SMIM23: variants seen among roughly 807,000 people sequenced by gnomAD.
The protein encoded by SMIM23 is small integral membrane protein 23, also known as CTB-78H18.1.
In SMIM23, 10 loss-of-function variants were observed where a neutral mutation model predicts 12.8. The ratio of observed to expected loss-of-function variants is 0.78; its 90% CI spans 0.48 to 1.32. SMIM23 has a LOEUF of 1.32. Among genes scored for constraint, SMIM23 ranks in the 40% most tolerant of loss-of-function variants. The pLI is 0.00. For missense variants in SMIM23, 184 were observed against 198.2 expected, an observed-to-expected ratio of 0.93 and a Z score of 0.43; for synonymous variants, 78 against 80.1, an observed-to-expected ratio of 0.97 and a Z score of 0.14.
At position 171,785,938 on chromosome 5, in the gene SMIM23, G is replaced by C. The variant is rs1489287556; in HGVS notation, c.67G>C (p.Glu23Gln). Residue 23 changes from glutamate (E) to glutamine (Q), a missense_variant, in exon 1 of 4, where the codon GAA becomes CAA. Coordinates refer to ENST00000523047, the MANE Select transcript of SMIM23 (RefSeq NM_001289970.2). The part of the protein sequence containing the change: ...AAEQVAAQLL[E>Q]RRRGSHCDDE... ...AGAGCAGGTGGCAGCCCAGCTGCTT[G>C]AACGGAGAAGGGGCAGCCACTGTGA... is the stretch of plus-strand genomic sequence containing the variant. 3 of 1,536,226 alleles carry C rather than the reference G, an allele frequency of 2.0e-6. No homozygotes were observed. The highest frequency in any genetic ancestry group is 2.6e-6 in the Non-Finnish European group (3 of 1,146,928).
chr5:171,774,336 C>T, the SMIM23 span: 12 of 449,124 alleles, frequency 2.7e-5, no homozygotes, highest in Non-Finnish European at 5.4e-5. Flanking sequence ...TGTTCCTGTT[C>T]TACAGATGAG....
Position 171,785,851 on chromosome 5 carries a change from C to G in SMIM23, c.-21C>G. 6.5e-7 allele frequency: 1 copy of G among 1,531,744 alleles called. No homozygotes were observed. The highest frequency in any genetic ancestry group is 8.7e-7 in the Non-Finnish European group (1 of 1,142,888). The allele number at this position is 1,531,744 out of a possible 1,614,324, so 94.9% of individuals were successfully genotyped here. On this transcript the variant is annotated 5_prime_UTR_variant, in exon 1 of 4. Coordinates refer to ENST00000523047, the MANE Select transcript of SMIM23 (RefSeq NM_001289970.2). Reference sequence around the variant, plus strand: ...TTCTGTCTGTTGAGTGTGGTCCACCCAGGCAGCCAGATCTGAGGCCATGGC... The same window carrying G: ...TTCTGTCTGTTGAGTGTGGTCCACCGAGGCAGCCAGATCTGAGGCCATGGC...
intron 1 of SMIM23, among the ~76,000 whole-genome samples, chr5:171,786,664 A>T (rs372619083): frequency 2.0e-5 from 3 of 152,154 alleles, no homozygotes; most frequent in Non-Finnish European, 4.4e-5. Flanking sequence ...CTCTGTTTTC[A>T]AAAGACTTGT....
chr5:171,776,776 A>G, the SMIM23 span, among the ~76,000 whole-genome samples: 8 of 152,174 alleles, frequency 5.3e-5, no homozygotes, highest in African/African-American at 1.9e-4. Flanking sequence ...GGAATTCAAC[A>G]ACCCCACTGG....
upstream of SMIM23, among the ~76,000 whole-genome samples, chr5:171,781,383 A>T (rs1285537547): frequency 6.6e-6 from 1 of 152,164 alleles, no homozygotes; most frequent in Non-Finnish European, 1.5e-5. Context: ...GCATAATAAG[A>T]TTAGGGTGGG....
At chr5:171,784,918 T>C (rs938310688), upstream of SMIM23, among the ~76,000 whole-genome samples, 1 of 152,182 alleles carries the variant, frequency 6.6e-6, no homozygotes, top group Admixed American at 6.5e-5. Context: ...TATGTTTTTT[T>C]TTAAAGCCAA....
At chr5:171,786,265 A>T (rs1466269603) in intron 1 of SMIM23, among the ~76,000 whole-genome samples, 1 of 152,172 alleles carries the variant, frequency 6.6e-6, no homozygotes, top group Non-Finnish European at 1.5e-5. Flanking sequence ...GCTTGGTGCC[A>T]AGTAGATGCT....
intron 1 of SMIM23, 37 bp downstream of exon 1, chr5:171,786,013 T>C: frequency 6.7e-7 from 1 of 1,495,804 alleles, no homozygotes; most frequent in Non-Finnish European, 9.0e-7. Context: ...TTTCCTCCCA[T>C]CTGGGCTCCT....
chr5:171,787,666 A>G (rs1032160514), intron 1 of SMIM23, among the ~76,000 whole-genome samples: 1 of 152,234 alleles, frequency 6.6e-6, no homozygotes, highest in Non-Finnish European at 1.5e-5. Flanking sequence ...AAGGACCCTA[A>G]TATTACATGT....
At chr5:171,780,509 G>GA (rs1014817127), upstream of SMIM23, among the ~76,000 whole-genome samples, 5 of 152,234 alleles carry the variant, frequency 3.3e-5, no homozygotes, top group African/African-American at 4.8e-5. Flanking sequence ...ATGTTTCCTA[G>GA]AAAAATGTGA....
At chr5:171,781,537 GC>G (rs11396589), upstream of SMIM23, among the ~76,000 whole-genome samples, 43,677 of 148,550 alleles carry the variant, frequency 0.29, 6,412 homozygotes, top group East Asian at 0.4. Context: ...TCTGAGAAGT[GC>G]CCCCCCCCGT....
chr5:171,774,555 G>A, the SMIM23 span: 1 of 456,094 alleles, frequency 2.2e-6, no homozygotes, highest in Non-Finnish European at 4.4e-6. Context: ...GTTCCTTGCG[G>A]GTTTATCTTG....
At chr5:171,790,701 C>T (rs1273416927) in intron 3 of SMIM23, 94 bp from the exon 4 acceptor site, 1 of 1,448,858 alleles carries the variant, frequency 6.9e-7, no homozygotes, top group Non-Finnish European at 9.3e-7. Context: ...GTAGCATGTG[C>T]AAAGGCCCAG....
intron 1 of SMIM23, among the ~76,000 whole-genome samples, chr5:171,787,055 C>CT (rs1398981127): frequency 7.9e-6 from 1 of 126,570 alleles, no homozygotes; most frequent in East Asian, 2.4e-4. Flanking sequence ...GAGCCTCGCT[C>CT]TGTCACCAGG....
chr5:171,790,640 T>C (rs372428775), intron 3 of SMIM23, 91 bp downstream of exon 3: 3 of 1,396,618 alleles, frequency 2.1e-6, no homozygotes, highest in Admixed American at 2.0e-5. Context: ...GAAAGATAAG[T>C]AGTCGCTTGT....
upstream of SMIM23, among the ~76,000 whole-genome samples, chr5:171,778,387 ATTATCCAAAGGGC>A (rs1755673263): frequency 6.7e-6 from 1 of 150,242 alleles, no homozygotes; most frequent in African/African-American, 2.4e-5. Context: ...ATTTTCCTGG[ATTATCCAAAGGGC>A]CCCAGCATGA....
the SMIM23 span, among the ~76,000 whole-genome samples, chr5:171,777,000 G>A: frequency 1.3e-5 from 2 of 151,732 alleles, no homozygotes; most frequent in African/African-American, 4.8e-5. Flanking sequence ...GACAGGCCAC[G>A]ACAGAGTGCA....
upstream of SMIM23, among the ~76,000 whole-genome samples, chr5:171,785,645 T>C (rs533601649): frequency 6.6e-6 from 1 of 152,212 alleles, no homozygotes; most frequent in Admixed American, 6.5e-5. Flanking sequence ...ACATAATCTT[T>C]TGATGCATTT....
At chr5:171,782,914 C>T (rs146220209), upstream of SMIM23, among the ~76,000 whole-genome samples, 5 of 152,220 alleles carry the variant, frequency 3.3e-5, no homozygotes, top group African/African-American at 7.2e-5. Context: ...AGTGTATAGC[C>T]GGCCTCCGTA....
Sources: gnomAD v4.1 joint callset for allele counts (sites outside exome capture counted in the v4.1 genomes callset) on GRCh38, gnomAD v4.1.1 for gene constraint, MANE v1.5 for transcripts, NCBI Gene and HGNC (gene_info 2026-07-23, HGNC 2026-07-21) for gene names.